TRABD2B: variants seen among roughly 807,000 people sequenced by gnomAD.
TRABD2B encodes metalloprotease TIKI2.
TRABD2B carries 14 observed loss-of-function variants against 40.1 expected under a neutral mutation model. The ratio of observed to expected loss-of-function variants is 0.35; its 90% CI spans 0.23 to 0.55. TRABD2B has a LOEUF of 0.55. Among genes scored for constraint, TRABD2B ranks in the 20% least tolerant of loss-of-function variants. The pLI, the probability that TRABD2B is intolerant of heterozygous loss-of-function variation, is 0.90. For synonymous variants in TRABD2B, 263 were observed against 277.0 expected, an observed-to-expected ratio of 0.95 and a Z score of 0.50; for missense variants, 541 against 648.6, an observed-to-expected ratio of 0.83 and a Z score of 1.80.
intron 6 of TRABD2B, among the ~76,000 whole-genome samples, chr1:47,771,387 C>T (rs981850817): frequency 7.9e-5 from 12 of 152,214 alleles, no homozygotes; most frequent in Non-Finnish European, 1.5e-4. Flanking sequence ...CCTCTGTGCC[C>T]TGCTTTGGGC....
chr1:47,908,734 A>T (rs1644710939), intron 2 of TRABD2B, among the ~76,000 whole-genome samples: 1 of 152,202 alleles, frequency 6.6e-6, no homozygotes, highest in Non-Finnish European at 1.5e-5. Flanking sequence ...AAGTCCCACC[A>T]GTGTCCCATC....
chr1:47,838,297 C>T (rs975265756), intron 2 of TRABD2B, among the ~76,000 whole-genome samples: 2 of 152,158 alleles, frequency 1.3e-5, no homozygotes, highest in African/African-American at 4.8e-5. Flanking sequence ...TGTTAATTGT[C>T]CTGCTTGGAA....
At chr1:47,902,226 G>A (rs535366220) in intron 2 of TRABD2B, among the ~76,000 whole-genome samples, 15 of 152,266 alleles carry the variant, frequency 9.9e-5, no homozygotes, top group Admixed American at 8.5e-4. Context: ...CATGGCTTGC[G>A]GTTCTGAGGA....
chr1:47,806,865 C>G (rs72892321), intron 2 of TRABD2B, among the ~76,000 whole-genome samples: 19 of 152,114 alleles, frequency 1.2e-4, no homozygotes, highest in Admixed American at 6.5e-5. Flanking sequence ...CCCCCTTAGT[C>G]AAGAAGAGGG....
At chr1:47,785,238 T>C (rs1365486272) in intron 4 of TRABD2B, among the ~76,000 whole-genome samples, 1 of 152,092 alleles carries the variant, frequency 6.6e-6, no homozygotes, top group African/African-American at 2.4e-5. Flanking sequence ...AGGGGACAGA[T>C]TCAAGCTGGG....
At chr1:47,836,771 G>C (rs12036731) in intron 2 of TRABD2B, among the ~76,000 whole-genome samples, 11,658 of 152,250 alleles carry the variant, frequency 0.077, 1,038 homozygotes, top group East Asian at 0.21. Flanking sequence ...TTACAAAAGA[G>C]ACCCCAGAGA....
chr1:47,967,535 TC>T (rs1645621787), intron 2 of TRABD2B, among the ~76,000 whole-genome samples: 1 of 152,234 alleles, frequency 6.6e-6, no homozygotes, highest in African/African-American at 2.4e-5. Context: ...CTTTGGACTC[TC>T]GTTTACGTCT....
intron 2 of TRABD2B, among the ~76,000 whole-genome samples, chr1:47,961,241 C>T (rs191708150): frequency 1.1e-3 from 169 of 152,282 alleles, no homozygotes; most frequent in African/African-American, 3.9e-3. Flanking sequence ...ACATGTTAGA[C>T]CTAAAACCAT....
chr1:47,785,468 G>A (rs11807835), intron 4 of TRABD2B, among the ~76,000 whole-genome samples: 1 of 152,224 alleles, frequency 6.6e-6, no homozygotes, highest in South Asian at 2.1e-4. Context: ...AACGCAGGAC[G>A]TCAGAAATGA....
At chr1:47,948,507 C>T (rs1437329158) in intron 2 of TRABD2B, among the ~76,000 whole-genome samples, 3 of 152,160 alleles carry the variant, frequency 2.0e-5, no homozygotes, top group Non-Finnish European at 4.4e-5. Flanking sequence ...CGAGTACAGC[C>T]TTCAGATTTA....
At chr1:47,811,165 G>C (rs936507652) in intron 2 of TRABD2B, among the ~76,000 whole-genome samples, 1 of 152,120 alleles carries the variant, frequency 6.6e-6, no homozygotes, top group African/African-American at 2.4e-5. Flanking sequence ...AAGAACGTGG[G>C]GGGAGCTGTG....
At chr1:47,945,416 C>T (rs1199526833) in intron 2 of TRABD2B, among the ~76,000 whole-genome samples, 1 of 152,206 alleles carries the variant, frequency 6.6e-6, no homozygotes, top group Non-Finnish European at 1.5e-5. Flanking sequence ...TCAGAGCTTT[C>T]ATGGTTTTCA....
At chr1:47,887,447 G>C (rs1644385358) in intron 2 of TRABD2B, among the ~76,000 whole-genome samples, 1 of 152,096 alleles carries the variant, frequency 6.6e-6, no homozygotes, top group African/African-American at 2.4e-5. Flanking sequence ...TGGGAGTCAT[G>C]ACTCAATTTC....
chr1:47,920,194 T>G (rs1244400027), intron 2 of TRABD2B, among the ~76,000 whole-genome samples: 1 of 152,140 alleles, frequency 6.6e-6, no homozygotes, highest in Non-Finnish European at 1.5e-5. Context: ...AGTGGCTCTG[T>G]GAATCAGAGG....
chr1:47,843,072 G>GA, intron 2 of TRABD2B, among the ~76,000 whole-genome samples: 1 of 152,288 alleles, frequency 6.6e-6, no homozygotes, highest in East Asian at 1.9e-4. Flanking sequence ...GCTGTATAGT[G>GA]AAAGGGGGTG....
chr1:47,841,333 A>G (rs972902441), intron 2 of TRABD2B, among the ~76,000 whole-genome samples: 3 of 152,132 alleles, frequency 2.0e-5, no homozygotes, highest in African/African-American at 7.2e-5. Context: ...CCCAACACAC[A>G]TACCAGATGT....
chr1:47,851,815 T>C (rs1327545072), intron 2 of TRABD2B, among the ~76,000 whole-genome samples: 2 of 152,208 alleles, frequency 1.3e-5, no homozygotes, highest in Admixed American at 6.5e-5. Flanking sequence ...ATTGGTTCTG[T>C]GAGCATTATC....
At chr1:47,796,566 C>T (rs1472739496) in intron 3 of TRABD2B, among the ~76,000 whole-genome samples, 1 of 152,224 alleles carries the variant, frequency 6.6e-6, no homozygotes, top group Admixed American at 6.5e-5. Flanking sequence ...CTGCTATCTG[C>T]TGGCCAAGGC....
chr1:47,872,682 C>T (rs900124693), intron 2 of TRABD2B, among the ~76,000 whole-genome samples: 7 of 152,274 alleles, frequency 4.6e-5, no homozygotes, highest in Non-Finnish European at 8.8e-5. Context: ...GAAGCTGTCC[C>T]ATGAGAACAA....
Sources: gnomAD v4.1 joint callset for allele counts (sites outside exome capture counted in the v4.1 genomes callset) on GRCh38, gnomAD v4.1.1 for gene constraint, MANE v1.5 for transcripts, NCBI Gene and HGNC (gene_info 2026-07-23, HGNC 2026-07-21) for gene names.